VPS13B: variants seen among roughly 807,000 people sequenced by gnomAD.
The protein encoded by VPS13B is intermembrane lipid transfer protein VPS13B.
A neutral mutation model predicts 426.4 loss-of-function variants in VPS13B; 285 were observed. The observed-to-expected ratio is 0.67, with a 90% CI of 0.61 to 0.74. The LOEUF (loss-of-function observed/expected upper bound fraction) is 0.74. Among genes scored for constraint, VPS13B ranks in the 30% least tolerant of loss-of-function variants. The pLI, the probability that VPS13B is intolerant of heterozygous loss-of-function variation, is 0.00. For missense variants in VPS13B, 4,537 were observed against 4,782.6 expected, an observed-to-expected ratio of 0.95 and a Z score of 1.51; for synonymous variants, 1,676 against 1,676.4, an observed-to-expected ratio of 1.00 and a Z score of 0.01.
At chr8:99,300,695 A>T (rs1820312416) in intron 19 of VPS13B, among the ~76,000 whole-genome samples, 1 of 152,046 alleles carries the variant, frequency 6.6e-6, no homozygotes, top group African/African-American at 2.4e-5. Context: ...TTAGTTATCC[A>T]TTCAAGAGAG....
chr8:99,742,009 C>G (rs920159894), intron 39 of VPS13B, among the ~76,000 whole-genome samples: 14 of 152,236 alleles, frequency 9.2e-5, no homozygotes, highest in Non-Finnish European at 1.8e-4. Context: ...ACACAAAAAA[C>G]CCTTCAGAAA....
intron 3 of VPS13B, among the ~76,000 whole-genome samples, chr8:99,071,470 G>A (rs1428018704): frequency 6.6e-6 from 1 of 152,182 alleles, no homozygotes; most frequent in East Asian, 1.9e-4. Context: ...GGGGAAAAAG[G>A]TGACACAAGC....
chr8:99,757,992 G>A (rs77344827), intron 39 of VPS13B, among the ~76,000 whole-genome samples: 1,715 of 152,142 alleles, frequency 0.011, 15 homozygotes, highest in Non-Finnish European at 0.015. Flanking sequence ...CTAGATATTC[G>A]GGCTTTCTAA....
intron 16 of VPS13B, among the ~76,000 whole-genome samples, chr8:99,183,727 A>G (rs1813069490): frequency 6.6e-6 from 1 of 152,174 alleles, no homozygotes. Context: ...GGTAATCCTT[A>G]AGTAAACTAT....
At chr8:99,076,178 C>T (rs555518068) in intron 3 of VPS13B, among the ~76,000 whole-genome samples, 1 of 152,228 alleles carries the variant, frequency 6.6e-6, no homozygotes, top group Non-Finnish European at 1.5e-5. Context: ...CAATGTTCCT[C>T]TTGTTACTGA....
intron 17 of VPS13B, among the ~76,000 whole-genome samples, chr8:99,265,634 A>C (rs1220725671): frequency 6.6e-6 from 1 of 152,096 alleles, no homozygotes; most frequent in Non-Finnish European, 1.5e-5. Context: ...ATTAAAGGAG[A>C]GGATCCTACA....
chr8:99,831,090 T>TTTTTTTTTTTTTTTTG (rs1465842000), intron 51 of VPS13B, among the ~76,000 whole-genome samples: 1 of 149,894 alleles, frequency 6.7e-6, no homozygotes, highest in African/African-American at 2.5e-5. Context: ...TTTTTTTTTT[T>TTTTTTTTTTTTTTTTG]GAGATAGAGT....
rs563046925 is a variant in VPS13B, at chr8:99,545,588, G to C, written c.4746-10862G>C. On this transcript the variant is annotated intron_variant, in intron 30 of 61. Coordinates refer to ENST00000357162, the MANE Select transcript of VPS13B (RefSeq NM_152564.5). ...TAGGAGTTTAATTGCTAGGTGATAG[G>C]TTACATAGCCTCAATGCTGATAGAT... 1.1e-3 allele frequency among the ~76,000 whole-genome samples: 166 copies of C among 152,130 alleles called. 2 individuals carry two copies. Among genetic ancestry groups the C allele is most frequent in the Non-Finnish European group, 1.5e-3 (102 of 67,948 alleles).
At chr8:99,763,288 C>T (rs1029772019) in intron 39 of VPS13B, among the ~76,000 whole-genome samples, 21 of 151,788 alleles carry the variant, frequency 1.4e-4, no homozygotes, top group Admixed American at 7.2e-4. Context: ...TTTAATGTGC[C>T]AGAGATGGGT....
intron 44 of VPS13B, among the ~76,000 whole-genome samples, chr8:99,812,587 C>T (rs1164275096): frequency 6.6e-6 from 1 of 152,208 alleles, no homozygotes; most frequent in Non-Finnish European, 1.5e-5. Context: ...ATACCCCTCT[C>T]ATTTCCCTCA....
chr8:99,710,874 G>A (rs955128617), intron 36 of VPS13B, among the ~76,000 whole-genome samples: 20 of 151,192 alleles, frequency 1.3e-4, no homozygotes, highest in Non-Finnish European at 2.2e-4. Context: ...GCATGGTGGT[G>A]TGTGCCTGTA....
chr8:99,696,695 G>A (rs1832019245), intron 35 of VPS13B: 2 of 795,302 alleles, frequency 2.5e-6, no homozygotes, highest in Admixed American at 3.5e-5. Context: ...TAGCAGCCAA[G>A]GGCAGTGCCA....
At chr8:99,126,204 A>T (rs1563555642) in intron 8 of VPS13B, among the ~76,000 whole-genome samples, 2 of 152,178 alleles carry the variant, frequency 1.3e-5, no homozygotes, top group Non-Finnish European at 2.9e-5. Flanking sequence ...GCGGTTTTTG[A>T]AAGTTCTCTT....
intron 17 of VPS13B, 46 bp from the exon 18 acceptor site, chr8:99,274,149 AATT>A: frequency 3.7e-6 from 6 of 1,611,240 alleles, no homozygotes; most frequent in Non-Finnish European, 5.1e-6. Context: ...GGAATATAAA[AATT>A]ATTTAAATTC....
chr8:99,174,103 A>T (rs1042395666), intron 16 of VPS13B, among the ~76,000 whole-genome samples: 1 of 152,204 alleles, frequency 6.6e-6, no homozygotes, highest in African/African-American at 2.4e-5. Context: ...TTCACTTAGC[A>T]TAATGTTTTC....
intron 39 of VPS13B, among the ~76,000 whole-genome samples, chr8:99,742,905 A>C (rs924307632): frequency 5.9e-5 from 9 of 152,218 alleles, no homozygotes; most frequent in African/African-American, 2.2e-4. Context: ...ACTCTGTTTG[A>C]AAACTGGCAC....
intron 14 of VPS13B, among the ~76,000 whole-genome samples, chr8:99,155,560 A>C (rs190964801): frequency 6.6e-6 from 1 of 152,202 alleles, no homozygotes; most frequent in East Asian, 1.9e-4. Flanking sequence ...AATCCCAAAG[A>C]AAGTCACTTA....
At chr8:99,194,110 T>G (rs543150195) in intron 17 of VPS13B, among the ~76,000 whole-genome samples, 1 of 152,348 alleles carries the variant, frequency 6.6e-6, no homozygotes, top group East Asian at 1.9e-4. Flanking sequence ...GTTTTGAATT[T>G]TGAAGCATTT....
At chr8:99,665,683 T>C (rs1237887346) in intron 35 of VPS13B, among the ~76,000 whole-genome samples, 1 of 152,214 alleles carries the variant, frequency 6.6e-6, no homozygotes, top group Non-Finnish European at 1.5e-5. Flanking sequence ...TCTATAGCTC[T>C]GTTTTGGTAC....
Sources: allele counts gnomAD v4.1 joint callset (sites outside exome capture counted in the v4.1 genomes callset), GRCh38; gene constraint gnomAD v4.1.1; transcripts MANE v1.5; gene names NCBI Gene and HGNC (gene_info 2026-07-23, HGNC 2026-07-21).